The following STARD10 variants were observed in gnomAD, a reference collection of about 807,000 sequenced individuals.
STARD10 encodes StAR related lipid transfer domain containing 10, also known as START domain-containing protein 10.
Under a neutral mutation model 36.0 loss-of-function variants are expected in STARD10, and 24 were observed. The ratio of observed to expected loss-of-function variants is 0.67; its 90% CI spans 0.48 to 0.94. STARD10 has a LOEUF of 0.94. Ranked by LOEUF, STARD10 falls within the 40% of genes least tolerant of loss-of-function variation. The pLI, the probability that STARD10 is intolerant of heterozygous loss-of-function variation, is 0.00. For missense variants in STARD10, 335 were observed against 396.6 expected (o/e 0.84, Z 1.32); for synonymous variants, 156 against 161.9 (o/e 0.96, Z 0.28).
chr11:72,762,221 C>T (rs997488315), intron 2 of STARD10, among the ~76,000 whole-genome samples: 6 of 151,898 alleles, frequency 4.0e-5, no homozygotes, highest in Non-Finnish European at 8.8e-5. Flanking sequence ...CCACTGTGCC[C>T]GGCCACTTGT....
At position 72,788,723 on chromosome 11, in the gene STARD10, C is replaced by T. The variant is rs12223291; in HGVS notation, c.-114+4152G>A. 3.3e-3 allele frequency among the ~76,000 whole-genome samples: 499 copies of T among 152,118 alleles called. 25 individuals carry two copies. The East Asian group carries it at 0.094, about 29-fold the overall frequency. ...GACTACAGGCATGCGCCACCACGCC[C>T]GGCTAATTTTTGTATTTTTAGTAGA... On this transcript the variant is annotated intron_variant, in intron 1 of 6. Coordinates refer to ENST00000334805, the MANE Select transcript of STARD10 (RefSeq NM_006645.3).
intron 2 of STARD10, among the ~76,000 whole-genome samples, chr11:72,769,468 C>G (rs1565241321): frequency 6.6e-6 from 1 of 151,956 alleles, no homozygotes; most frequent in Non-Finnish European, 1.5e-5. Context: ...GTTCACTGTC[C>G]CAGTAGCTGG....
At chr11:72,755,434 C>T in intron 6 of STARD10, 3 of 570,470 alleles carry the variant, frequency 5.3e-6, no homozygotes, top group Middle Eastern at 7.5e-4. Context: ...CCTTAGCCTC[C>T]CGAGTAGCTG....
In STARD10 at chr11:72,754,920, C is replaced by T. The variant is rs1310627630; in HGVS notation, c.853G>A (p.Asp285Asn). 1.2e-6 allele frequency: 2 copies of T among 1,600,472 alleles called. No homozygotes were observed. The highest frequency in any genetic ancestry group is 1.1e-5 in the South Asian group (1 of 90,548). ...GCTCAGGTGAGCGAGGTGTCGTCGT[C>T]GCTGCCCTCGCCGCCCGCGCCGCCC... ...RMGGAGGEGS[D>N]DDTSLT The change falls in exon 7 of 7, where the codon GAC becomes AAC. Residue 285 changes from aspartate to asparagine, a missense_variant. By Grantham distance (23) the Asp-to-Asn change is conservative (BLOSUM62 1). Coordinates refer to ENST00000334805, the MANE Select transcript of STARD10 (RefSeq NM_006645.3).
At chr11:72,786,803 C>T (rs1217809515) in intron 1 of STARD10, among the ~76,000 whole-genome samples, 1 of 152,172 alleles carries the variant, frequency 6.6e-6, no homozygotes, top group Non-Finnish European at 1.5e-5. Context: ...TGCAGTGGCT[C>T]ACACCTGTAA....
At chr11:72,771,803 G>A (rs888982953) in intron 2 of STARD10, among the ~76,000 whole-genome samples, 5 of 152,284 alleles carry the variant, frequency 3.3e-5, no homozygotes, top group Middle Eastern at 3.4e-3. Context: ...TCTATCCTGG[G>A]GGGGCGAGGG....
intron 2 of STARD10, chr11:72,780,280 G>C (rs1479534327): frequency 5.1e-6 from 2 of 393,120 alleles, no homozygotes; most frequent in South Asian, 3.5e-5. Context: ...AAGAGCAGGG[G>C]AGATGGCTGT....
At chr11:72,755,957 T>C in intron 5 of STARD10, 1 of 506,482 alleles carries the variant, frequency 2.0e-6, no homozygotes, top group South Asian at 2.6e-5. Context: ...TGTCCCCCAC[T>C]TTCCCTCTGC....
chr11:72,791,965 C>T (rs1859148538), intron 1 of STARD10, among the ~76,000 whole-genome samples: 1 of 151,866 alleles, frequency 6.6e-6, no homozygotes, highest in African/African-American at 2.4e-5. Context: ...ACCTCCGCCT[C>T]CTGGGTTCAA....
chr11:72,758,185 C>T (rs1858670007), intron 4 of STARD10, among the ~76,000 whole-genome samples: 1 of 152,202 alleles, frequency 6.6e-6, no homozygotes, highest in Non-Finnish European at 1.5e-5. Flanking sequence ...GCCAGCTATA[C>T]CTGCCTGTCC....
At chr11:72,784,232 TGAGCCCAGGA>T (rs1319558545) in intron 1 of STARD10, among the ~76,000 whole-genome samples, 15 of 152,120 alleles carry the variant, frequency 9.9e-5, no homozygotes, top group African/African-American at 3.6e-4. Flanking sequence ...AGCAGAAGAA[TGAGCCCAGGA>T]GGGCTGGAGG....
Position 72,788,472 on chromosome 11 carries a change from A to G in STARD10, c.-114+4403T>C, listed in dbSNP as rs570454617. Among the ~76,000 whole-genome samples the G allele has an allele frequency of 1.1e-4, 16 of 152,190 alleles. No homozygotes were observed. The East Asian group carries it at 1.4e-3, about 13-fold the overall frequency. ...CTGTGTCGCACTGCAAGGTTTCTCA[A>G]TGTGGGTGAGGCAGTGCCTTGGGTG... On this transcript the variant is annotated intron_variant, in intron 1 of 6. Transcript: ENST00000334805.
intron 1 of STARD10, among the ~76,000 whole-genome samples, chr11:72,785,287 G>A (rs1386418625): frequency 2.0e-5 from 3 of 151,986 alleles, no homozygotes; most frequent in African/African-American, 4.8e-5. Flanking sequence ...CCTAGGGGCC[G>A]GGTGTGGTGG....
At chr11:72,764,380 A>G (rs1023157898) in intron 2 of STARD10, among the ~76,000 whole-genome samples, 2 of 152,222 alleles carry the variant, frequency 1.3e-5, no homozygotes, top group Non-Finnish European at 2.9e-5. Flanking sequence ...GCTCAGCGTA[A>G]ACTCTGAGTA....
chr11:72,779,259 T>C (rs1858961755), intron 2 of STARD10, among the ~76,000 whole-genome samples: 2 of 152,192 alleles, frequency 1.3e-5, no homozygotes. Flanking sequence ...TTCATTCAAT[T>C]TGTTCCTTGG....
rs770376793 is a variant in STARD10 at position 72,755,762 on chromosome 11, G to T, written c.578-9C>A. On this transcript the variant is annotated splice_polypyrimidine_tract_variant and intron_variant, in intron 5 of 6. Coordinates refer to ENST00000334805, the MANE Select transcript of STARD10 (RefSeq NM_006645.3). ...CCACTTGGGTAAGGAGCCTGTGAGG[G>T]CAGGGAAGGGAGGAAGCAGCCTCAG... 1.2e-6 allele frequency: 2 copies of T among 1,609,860 alleles called. No homozygotes were observed. The highest frequency in any genetic ancestry group is 1.7e-6 in the Non-Finnish European group (2 of 1,177,628).
At chr11:72,768,450 G>GC (rs978503415) in intron 2 of STARD10, among the ~76,000 whole-genome samples, 14 of 149,020 alleles carry the variant, frequency 9.4e-5, no homozygotes, top group Non-Finnish European at 1.3e-4. Flanking sequence ...CACTCCCCCC[G>GC]CCCCCCAAAA....
intron 2 of STARD10, among the ~76,000 whole-genome samples, chr11:72,768,490 C>A (rs1275613948): frequency 1.3e-5 from 2 of 152,052 alleles, no homozygotes; most frequent in African/African-American, 4.8e-5. Context: ...AGGGCACAGA[C>A]CTGAGGGTTC....
intron 5 of STARD10, among the ~76,000 whole-genome samples, chr11:72,756,139 C>T (rs1858640913): frequency 1.3e-5 from 2 of 152,170 alleles, no homozygotes; most frequent in Non-Finnish European, 2.9e-5. Flanking sequence ...TCAGCCCCTC[C>T]CCTGCCTGTC....
Sources: allele counts gnomAD v4.1 joint callset (sites outside exome capture counted in the v4.1 genomes callset), GRCh38; gene constraint gnomAD v4.1.1; transcripts MANE v1.5; gene names NCBI Gene and HGNC (gene_info 2026-07-23, HGNC 2026-07-21).